The following EVC2 variants were observed in gnomAD, a reference collection of about 807,000 sequenced individuals.
The protein encoded by EVC2 is limbin.
In EVC2, 148 loss-of-function variants were observed where a neutral mutation model predicts 149.3. The observed-to-expected ratio is 0.99, with a 90% CI of 0.87 to 1.14. The LOEUF (loss-of-function observed/expected upper bound fraction) is 1.14, where lower values mean the gene tolerates loss of function less well. Among genes scored for constraint, EVC2 ranks in the 50% most tolerant of loss-of-function variants. The probability of loss-of-function intolerance (pLI) is 0.00; values close to 1 mark genes in which losing one functional copy is unlikely to be tolerated. For missense variants in EVC2, 1,854 were observed against 1,627.3 expected (o/e 1.14, Z -2.40); for synonymous variants, 776 against 649.9 (o/e 1.19, Z -2.95).
intron 10 of EVC2, among the ~76,000 whole-genome samples, chr4:5,634,907 C>A (rs1340124666): frequency 6.6e-6 from 1 of 152,130 alleles, no homozygotes; most frequent in Non-Finnish European, 1.5e-5. Flanking sequence ...AGCCTCCACC[C>A]CGTCCACCAA....
Position 5,677,486 on chromosome 4 carries a change from C to A in EVC2, c.870+3774G>T, listed in dbSNP as rs1428280277. Among the ~76,000 whole-genome samples, 1 of 152,222 alleles carries A rather than the reference C, an allele frequency of 6.6e-6. No homozygotes were observed. Among genetic ancestry groups the A allele is most frequent in the Non-Finnish European group, 1.5e-5 (1 of 68,040 alleles). ...GCCCCAGCTCCACGGCCAGGACTTG[C>A]ATCCACAGGTCTGCATCCCAGGGGG... On this transcript the variant is annotated intron_variant, in intron 7 of 21. Coordinates refer to ENST00000344408, the MANE Select transcript of EVC2 (RefSeq NM_147127.5). The surrounding 1 kb of genome is among the most constrained non-coding windows in gnomAD (Gnocchi z 4.3).
intron 17 of EVC2, among the ~76,000 whole-genome samples, chr4:5,578,894 A>G (rs1476120867): frequency 6.6e-6 from 1 of 152,156 alleles, no homozygotes; most frequent in East Asian, 1.9e-4. Flanking sequence ...ATGGCTTCAC[A>G]GAGGAAGTAA....
chr4:5,701,835 T>C (rs182800058), intron 1 of EVC2, among the ~76,000 whole-genome samples: 2 of 152,280 alleles, frequency 1.3e-5, no homozygotes, highest in African/African-American at 4.8e-5. Flanking sequence ...TTGATTCTTC[T>C]CTTTCTCTCT....
Position 5,569,734 on chromosome 4 carries a change from A to G in EVC2, c.3361-1094T>C, listed in dbSNP as rs1279154172. ...GGTGGGCTGGGGGTTCAGAGACCAC[A>G]GAGAGGTCAGGAGACACAAACACAG... On this transcript the variant is annotated intron_variant, in intron 19 of 21. Transcript: ENST00000344408. The surrounding 1 kb of genome is among the most constrained non-coding windows in gnomAD (Gnocchi z 4.8). Among the ~76,000 whole-genome samples the G allele has an allele frequency of 1.3e-5, 2 of 152,090 alleles. No individual in the cohort carries two copies. The highest frequency in any genetic ancestry group is 2.9e-5 in the Non-Finnish European group (2 of 68,010).
rs1718564344 is a variant in EVC2, at chr4:5,657,002, C to G, written c.1145+6105G>C. 6.6e-6 allele frequency among the ~76,000 whole-genome samples: 1 copy of G among 152,162 alleles called. No individual in the cohort carries two copies. The highest frequency in any genetic ancestry group is 1.5e-5 in the Non-Finnish European group (1 of 68,032). ...GTCACCAACACGGTAAGTGGCAGAA[C>G]TGGGACTCAACGCTAGCAGTCAGGC... On this transcript the variant is annotated intron_variant, in intron 9 of 21. Transcript: ENST00000344408. This position sits in a 1 kb window ranked among gnomAD's most constrained non-coding sequence, Gnocchi z 4.7.
At position 5,614,736 on chromosome 4, in the gene EVC2, G is replaced by A. The variant is rs571971942; in HGVS notation, c.2829+686C>T. On this transcript the variant is annotated intron_variant, in intron 16 of 21. Coordinates refer to ENST00000344408, the MANE Select transcript of EVC2 (RefSeq NM_147127.5). This position sits in a 1 kb window ranked among gnomAD's most constrained non-coding sequence, Gnocchi z 4.7. Reference sequence around the variant, plus strand: ...CTCACGCCTGTAATCCCAGCACTTTGGGAAGCTGAGGTGGGCGGATCACCT... The same window carrying A: ...CTCACGCCTGTAATCCCAGCACTTTAGGAAGCTGAGGTGGGCGGATCACCT... Among the ~76,000 whole-genome samples the A allele has an allele frequency of 5.3e-5, 8 of 152,284 alleles. No individual in the cohort carries two copies. Among genetic ancestry groups the A allele is most frequent in the African/African-American group, 1.9e-4 (8 of 41,552 alleles).
intron 9 of EVC2, among the ~76,000 whole-genome samples, chr4:5,648,294 A>T (rs971386995): frequency 6.6e-6 from 1 of 152,092 alleles, no homozygotes; most frequent in African/African-American, 2.4e-5. Context: ...TCGGAGTTTG[A>T]CCTCCAGAAC....
chr4:5,554,254 T>C (rs2369861), intron 21 of EVC2, among the ~76,000 whole-genome samples: 72,513 of 151,946 alleles, frequency 0.48, 19,296 homozygotes, highest in East Asian at 0.93. Context: ...GACAAGCTCA[T>C]CTATAGCGTC....
chr4:5,632,649 T>C (rs1716632751), intron 10 of EVC2, among the ~76,000 whole-genome samples: 1 of 152,130 alleles, frequency 6.6e-6, no homozygotes, highest in South Asian at 2.1e-4. Flanking sequence ...CAGGCCCAAG[T>C]GGAGATCCTT....
At chr4:5,535,625 G>GAGAGAGAGAGAGAGAT in the EVC2 span, among the ~76,000 whole-genome samples, 102 of 150,562 alleles carry the variant, frequency 6.8e-4, no homozygotes, top group African/African-American at 2.5e-3. The surrounding 1 kb of genome is among the most constrained non-coding windows in gnomAD (Gnocchi z 4.7). Flanking sequence ...GAGAGAGAGA[G>GAGAGAGAGAGAGAGAT]AGAGAGAGAA....
intron 17 of EVC2, among the ~76,000 whole-genome samples, chr4:5,581,639 A>G (rs1439478310): frequency 6.6e-6 from 1 of 152,254 alleles, no homozygotes; most frequent in Non-Finnish European, 1.5e-5. Context: ...CAAAGAAATG[A>G]CCTGAAACTG....
At chr4:5,706,155 T>C (rs976080920) in intron 1 of EVC2, among the ~76,000 whole-genome samples, 3 of 151,750 alleles carry the variant, frequency 2.0e-5, no homozygotes, top group Non-Finnish European at 2.9e-5. Flanking sequence ...TGACTGACCT[T>C]CCAGACTAAA....
intron 9 of EVC2, among the ~76,000 whole-genome samples, chr4:5,645,685 CAT>C (rs1460188578): frequency 6.6e-6 from 1 of 152,120 alleles, no homozygotes; most frequent in Non-Finnish European, 1.5e-5. Context: ...AGGTGGATTC[CAT>C]ATCTTTGCTA....
Position 5,576,608 on chromosome 4 carries a change from G to A in EVC2, c.3058-154C>T, listed in dbSNP as rs1338051174. Among the ~76,000 whole-genome samples, 1 of 152,174 alleles carries A rather than the reference G, an allele frequency of 6.6e-6. No individual in the cohort carries two copies. The highest frequency in any genetic ancestry group is 1.9e-4 in the East Asian group (1 of 5,196). On this transcript the variant is annotated intron_variant, in intron 17 of 21. Transcript: ENST00000344408. The surrounding 1 kb of genome is among the most constrained non-coding windows in gnomAD (Gnocchi z 4.5). ...CTGTGCCACATGGTGCAATGTGAGT[G>A]CACCACGATCTCTCACCCCTGTGTC...
At chr4:5,546,803 G>A (rs1721631527) in intron 21 of EVC2, among the ~76,000 whole-genome samples, 3 of 152,116 alleles carry the variant, frequency 2.0e-5, no homozygotes, top group Non-Finnish European at 4.4e-5. Context: ...GCAGCAGCCT[G>A]TCTAGAGTGG....
intron 9 of EVC2, among the ~76,000 whole-genome samples, chr4:5,644,938 T>G (rs1319029163): frequency 1.3e-5 from 2 of 152,218 alleles, no homozygotes; most frequent in Non-Finnish European, 2.9e-5. Flanking sequence ...GATGGGCACT[T>G]AGGTTGATTT....
Position 5,655,185 on chromosome 4 carries a change from C to A in EVC2, c.1145+7922G>T, listed in dbSNP as rs558177695. Among the ~76,000 whole-genome samples, 3 of 152,320 alleles carry A rather than the reference C, an allele frequency of 2.0e-5. No homozygotes were observed. The South Asian group carries it at 6.2e-4, about 32-fold the overall frequency. On this transcript the variant is annotated intron_variant, in intron 9 of 21. Transcript: ENST00000344408. Reference sequence around the variant, plus strand: ...GACCCCTTTACAAACCCCATAAGAACCCCGTCATGTCAGGTGCTGCGCAGG... The same window carrying A: ...GACCCCTTTACAAACCCCATAAGAAACCCGTCATGTCAGGTGCTGCGCAGG...
chr4:5,683,942 G>A (rs1364910144), intron 6 of EVC2, among the ~76,000 whole-genome samples: 1 of 152,020 alleles, frequency 6.6e-6, no homozygotes, highest in Non-Finnish European at 1.5e-5. Context: ...AGCTGCCCGG[G>A]AACACACACA....
rs1226573280 is a variant in EVC2, at chr4:5,679,351, T to C, written c.870+1909A>G. The stretch of plus-strand genomic sequence containing the variant: ...CCCAGGTTCAAGCAATTCGCATGTC[T>C]CAGTCTCCCGAGTAGCTGGAATCAC... On this transcript the variant is annotated intron_variant, in intron 7 of 21. Coordinates refer to ENST00000344408, the MANE Select transcript of EVC2 (RefSeq NM_147127.5). This position sits in a 1 kb window ranked among gnomAD's most constrained non-coding sequence, Gnocchi z 5.1. 6.6e-6 allele frequency among the ~76,000 whole-genome samples: 1 copy of C among 152,142 alleles called. No individual in the cohort carries two copies. Among genetic ancestry groups the C allele is most frequent in the Non-Finnish European group, 1.5e-5 (1 of 68,022 alleles).
Sources: gnomAD v4.1 joint callset for allele counts (sites outside exome capture counted in the v4.1 genomes callset) on GRCh38, gnomAD v4.1.1 for gene constraint, Gnocchi (gnomAD v3.1) non-coding constraint, MANE v1.5 for transcripts, NCBI Gene and HGNC (gene_info 2026-07-23, HGNC 2026-07-21) for gene names.